The following COL23A1 variants were observed in gnomAD, a reference collection of about 807,000 sequenced individuals.
COL23A1 encodes the protein collagen alpha-1(XXIII) chain.
A neutral mutation model predicts 99.3 loss-of-function variants in COL23A1; 97 were observed. The observed-to-expected ratio is 0.98, with a 90% CI of 0.83 to 1.16. The LOEUF (loss-of-function observed/expected upper bound fraction) is 1.16. COL23A1 is among the 50% of genes most tolerant of loss of function. COL23A1 has a pLI of 0.00. For missense variants in COL23A1, 762 were observed against 757.4 expected (o/e 1.01, Z -0.07); for synonymous variants, 320 against 308.2 (o/e 1.04, Z -0.40).
rs540735057 is a variant in COL23A1 at position 178,537,477 on chromosome 5, T to C, written c.361+23205A>G. ...ACTAGTACCGAGGAGAGGAGAACAG[T>C]GTCCACAGATGCCTGGGACTGACGG... On this transcript the variant is annotated intron_variant, in intron 2 of 28. Coordinates refer to ENST00000390654, the MANE Select transcript of COL23A1 (RefSeq NM_173465.4). Among the ~76,000 whole-genome samples the C allele has an allele frequency of 8.5e-5, 13 of 152,206 alleles. 1 individual carries two copies. In the South Asian group the frequency reaches 2.7e-3, roughly 32 times the overall value.
chr5:178,240,801 G>A (rs943934059), intron 27 of COL23A1, among the ~76,000 whole-genome samples: 2 of 152,256 alleles, frequency 1.3e-5, no homozygotes, highest in African/African-American at 4.8e-5. Flanking sequence ...GGAGGTTGAG[G>A]CCGGCCTGCA....
chr5:178,307,157 G>A lies in COL23A1; in HGVS notation c.362-238C>T, dbSNP rs542922540. Among the ~76,000 whole-genome samples, 12 of 152,216 alleles carry A rather than the reference G, an allele frequency of 7.9e-5. No individual in the cohort carries two copies. The highest frequency in any genetic ancestry group is 5.2e-4 in the Admixed American group (8 of 15,300). ...GGTGGCCGCATCCCTCATGCCCCAC[G>A]CACCCATTCTGTCATTCAATCATCG... On this transcript the variant is annotated intron_variant, in intron 2 of 28. Transcript: ENST00000390654. The surrounding 1 kb of genome is among the most constrained non-coding windows in gnomAD (Gnocchi z 4.2).
intron 2 of COL23A1, among the ~76,000 whole-genome samples, chr5:178,431,590 C>T (rs548727739): frequency 6.6e-6 from 1 of 152,310 alleles, no homozygotes; most frequent in East Asian, 1.9e-4. Flanking sequence ...GGCCATGGAG[C>T]AGAGACTGGA....
At chr5:178,437,679 C>T (rs1260084329) in intron 2 of COL23A1, among the ~76,000 whole-genome samples, 3 of 152,210 alleles carry the variant, frequency 2.0e-5, no homozygotes, top group East Asian at 1.9e-4. Flanking sequence ...CTGGATCACA[C>T]AGTCATGGCC....
chr5:178,424,733 G>C (rs1273361593), intron 2 of COL23A1, among the ~76,000 whole-genome samples: 1 of 152,150 alleles, frequency 6.6e-6, no homozygotes, highest in Non-Finnish European at 1.5e-5. Flanking sequence ...GCACTAGCTG[G>C]GCCGCCCTGG....
At chr5:178,532,284 G>A (rs524798) in intron 2 of COL23A1, among the ~76,000 whole-genome samples, 77,195 of 152,032 alleles carry the variant, frequency 0.51, 19,975 homozygotes, top group Non-Finnish European at 0.57. Context: ...CATGTCTTGG[G>A]CAAGGCCCCT....
chr5:178,244,449 A>G (rs2127527703), intron 25 of COL23A1, among the ~76,000 whole-genome samples: 1 of 152,302 alleles, frequency 6.6e-6, no homozygotes, highest in East Asian at 1.9e-4. Flanking sequence ...TAGTCAGGGC[A>G]CTGCATTCCT....
rs200514215 is a variant in COL23A1 at position 178,256,915 on chromosome 5, C to G, written c.788G>C (p.Ser263Thr). The G allele has an allele frequency of 1.2e-6, 2 of 1,613,602 alleles. No individual in the cohort carries two copies. The highest frequency in any genetic ancestry group is 1.7e-6 in the Non-Finnish European group (2 of 1,179,866). The change falls in exon 14 of 29, where the codon AGC becomes ACC. Residue 263 changes from serine to threonine, a missense_variant. Coordinates refer to ENST00000390654, the MANE Select transcript of COL23A1 (RefSeq NM_173465.4). The part of the protein sequence containing the change: ...GPPGPKGEPG[S>T]MGPRGENGVD... ...ACCGTTCTCTCCCCGAGGCCCCATG[C>G]TCCCTGGCTCGCCCTGAAACAGACA...
At chr5:178,345,618 G>A (rs181012728) in intron 2 of COL23A1, among the ~76,000 whole-genome samples, 1 of 151,382 alleles carries the variant, frequency 6.6e-6, no homozygotes, top group East Asian at 1.9e-4. Flanking sequence ...CTGGGTTCAC[G>A]CCATTCTCCT....
chr5:178,328,187 G>A (rs577147980), intron 2 of COL23A1, among the ~76,000 whole-genome samples: 10 of 152,220 alleles, frequency 6.6e-5, no homozygotes, highest in Non-Finnish European at 4.4e-5. Context: ...CGAATGTCTG[G>A]GGCCATCCTT....
intron 11 of COL23A1, among the ~76,000 whole-genome samples, chr5:178,260,840 G>A (rs765507226): frequency 3.3e-5 from 5 of 152,174 alleles, no homozygotes; most frequent in Non-Finnish European, 5.9e-5. Context: ...TAGGGAGAAC[G>A]AGGGATGAAC....
At chr5:178,483,875 G>A (rs1400337835) in intron 2 of COL23A1, among the ~76,000 whole-genome samples, 3 of 152,174 alleles carry the variant, frequency 2.0e-5, no homozygotes, top group Admixed American at 1.3e-4. Context: ...ACTCAGCAAC[G>A]CGCACTTGCT....
chr5:178,250,911 A>T (rs1437614668), intron 17 of COL23A1, among the ~76,000 whole-genome samples: 1 of 147,144 alleles, frequency 6.8e-6, no homozygotes, highest in African/African-American at 2.5e-5. Flanking sequence ...AACCCGGGAG[A>T]CAGGTTGCAG....
rs1261469841 is a variant in COL23A1, at chr5:178,298,975, G to C, written c.406+7900C>G. Among the ~76,000 whole-genome samples the C allele has an allele frequency of 2.6e-5, 4 of 152,232 alleles. No homozygotes were observed. The South Asian group carries it at 6.2e-4, about 24-fold the overall frequency. On this transcript the variant is annotated intron_variant, in intron 3 of 28. Transcript: ENST00000390654. The stretch of plus-strand genomic sequence containing the variant: ...ATTCAATAATATGATGTACTGCATT[G>C]ATTGATTTTGGATATTAAACCAACA...
intron 2 of COL23A1, among the ~76,000 whole-genome samples, chr5:178,447,464 AT>A (rs1767225404): frequency 2.0e-5 from 3 of 152,122 alleles, no homozygotes; most frequent in Admixed American, 1.3e-4. Context: ...ATAATACCAT[AT>A]TTTTACTGCA....
At chr5:178,242,258 C>T in intron 26 of COL23A1, 83 bp downstream of exon 26, 1 of 1,526,246 alleles carries the variant, frequency 6.6e-7, no homozygotes, top group Non-Finnish European at 9.0e-7. Flanking sequence ...TGGGTTCTCT[C>T]TACCTGCTTC....
Position 178,573,755 on chromosome 5 carries a change from T to C in COL23A1, c.295-13007A>G, listed in dbSNP as rs772877563. Among the ~76,000 whole-genome samples the C allele has an allele frequency of 9.3e-4, 142 of 152,276 alleles. 1 individual carries two copies. Among genetic ancestry groups the C allele is most frequent in the Non-Finnish European group, 1.7e-3 (116 of 68,030 alleles). ...CATACAATGAAATACTACTCTATAA[T>C]ACAAAGAGTTATTGATACGTGCAAA... is the stretch of plus-strand genomic sequence containing the variant. On this transcript the variant is annotated intron_variant, in intron 1 of 28. Coordinates refer to ENST00000390654, the MANE Select transcript of COL23A1 (RefSeq NM_173465.4).
At chr5:178,408,764 G>GACCAACATGGAGAA (rs1253655808) in intron 2 of COL23A1, among the ~76,000 whole-genome samples, 3 of 152,040 alleles carry the variant, frequency 2.0e-5, no homozygotes, top group Non-Finnish European at 4.4e-5. Context: ...AGACCAGCTT[G>GACCAACATGGAGAA]ACCAACATGG....
At position 178,266,109 on chromosome 5, in the gene COL23A1, C is replaced by T. The variant is rs903727440; in HGVS notation, c.522+1198G>A. ...AGGCTGCAGTGCTGTGGTGCCATCT[C>T]GTCTCACTGCAACCTCTGCCTCCTG... On this transcript the variant is annotated intron_variant, in intron 8 of 28. Coordinates refer to ENST00000390654, the MANE Select transcript of COL23A1 (RefSeq NM_173465.4). Among the ~76,000 whole-genome samples the T allele has an allele frequency of 8.0e-4, 122 of 152,106 alleles. 2 individuals are homozygous for T. The highest frequency in any genetic ancestry group is 7.5e-3 in the Admixed American group (115 of 15,260).
Sources: allele counts gnomAD v4.1 joint callset (sites outside exome capture counted in the v4.1 genomes callset), GRCh38; gene constraint gnomAD v4.1.1; non-coding constraint Gnocchi (gnomAD v3.1); transcripts MANE v1.5; gene names NCBI Gene and HGNC (gene_info 2026-07-23, HGNC 2026-07-21).